Variants in KCNU1 observed in about 807,000 individuals in gnomAD.
The protein encoded by KCNU1 is potassium calcium-activated channel subfamily U member 1.
In KCNU1, 93 loss-of-function variants were observed where a neutral mutation model predicts 126.8. That is an observed-to-expected ratio of 0.73 (90% CI 0.62 to 0.87). The LOEUF is 0.87. Among genes scored for constraint, KCNU1 ranks in the 40% least tolerant of loss-of-function variants. The pLI is 0.00. For synonymous variants in KCNU1, 523 were observed against 494.2 expected (o/e 1.06, Z -0.77); for missense variants, 1,330 against 1,367.1 (o/e 0.97, Z 0.43).
At chr8:36,785,659 G>T (rs1045618589) in intron 1 of KCNU1, among the ~76,000 whole-genome samples, 3 of 152,072 alleles carry the variant, frequency 2.0e-5, no homozygotes, top group Admixed American at 6.5e-5. Flanking sequence ...AAAGAATTCT[G>T]GGATACTGAC....
rs542653829 is a variant in KCNU1 at position 36,805,157 on chromosome 8, ATGT to A, written c.378-35_378-33del. 8.4e-5 allele frequency: 125 copies of A among 1,483,124 alleles called. 1 individual carries two copies. In the African/African-American group the frequency reaches 1.5e-3, roughly 17 times the overall value. The allele number at this position is 1,483,124 out of a possible 1,614,324, so 91.9% of individuals were successfully genotyped here. Reference sequence around the variant, plus strand: ...GTCTTATATAGACACCACTTTAAAAATGTTGATCTTCACAAACTGTCCTTCTTT... The same window carrying A: ...GTCTTATATAGACACCACTTTAAAAATGATCTTCACAAACTGTCCTTCTTT... On this transcript the variant is annotated intron_variant, in intron 3 of 26. Transcript: ENST00000399881.
Position 36,905,767 on chromosome 8 carries a change from A to G in KCNU1, c.2069A>G (p.His690Arg). The G allele has an allele frequency of 4.4e-6, 7 of 1,599,196 alleles. No homozygotes were observed. The highest frequency in any genetic ancestry group is 6.0e-6 in the Non-Finnish European group (7 of 1,170,426). ...CAGCTTGATAGCAGTGGGATGTTTC[A>G]CTGGTGCAAACCAACCTCTTTGGAC... ...SDQLDSSGMF[H>R]WCKPTSLDKV... Residue 690 changes from histidine to arginine, a missense_variant, in exon 20 of 27, where the codon CAC (histidine) becomes CGC (arginine). His to Arg is a conservative substitution (Grantham distance 29). Around this residue, in one of 3 missense-constraint regions of KCNU1, gnomAD observed 1,054 missense variants for 1,053.9 expected, o/e 1.00. Coordinates refer to ENST00000399881, the MANE Select transcript of KCNU1 (RefSeq NM_001031836.3).
At chr8:36,800,088 G>A (rs1346231430) in intron 2 of KCNU1, among the ~76,000 whole-genome samples, 1 of 151,966 alleles carries the variant, frequency 6.6e-6, no homozygotes. Flanking sequence ...AACTCTAATT[G>A]TAACTTTAAA....
intron 19 of KCNU1, among the ~76,000 whole-genome samples, chr8:36,893,129 T>C (rs1463736116): frequency 2.5e-5 from 3 of 118,914 alleles, no homozygotes; most frequent in African/African-American, 9.0e-5. Flanking sequence ...GCCTAGCTAC[T>C]TTTTGTTTTT....
rs1349050530 is a variant in KCNU1, at chr8:36,935,580, T to C, written c.3110T>C (p.Ile1037Thr). Residue 1037 changes from isoleucine to threonine, a missense_variant, in exon 27 of 27, where the codon ATA becomes ACA. Around this residue, in one of 3 missense-constraint regions of KCNU1, gnomAD observed 1,054 missense variants for 1,053.9 expected, o/e 1.00. Transcript: ENST00000399881. The part of the protein sequence containing the change: ...LLPSDLVFCA[I>T]PFSTACYKRN... ...CCTTCAGATCTTGTGTTTTGTGCCA[T>C]ACCCTTCAGCACTGCTTGTTATAAA... The C allele has an allele frequency of 1.2e-6, 2 of 1,613,060 alleles. No homozygotes were observed. Among genetic ancestry groups the C allele is most frequent in the African/African-American group, 1.3e-5 (1 of 74,880 alleles).
intron 15 of KCNU1, 78 bp from the exon 16 acceptor site, chr8:36,840,854 C>A: frequency 4.0e-6 from 4 of 997,346 alleles, no homozygotes; most frequent in Non-Finnish European, 6.4e-6. Flanking sequence ...TCCTCCTAGG[C>A]ACAGAGCACA....
chr8:36,897,695 A>T (rs966877449), intron 19 of KCNU1, among the ~76,000 whole-genome samples: 3 of 152,052 alleles, frequency 2.0e-5, no homozygotes, highest in African/African-American at 7.2e-5. Flanking sequence ...CTCACCCTGC[A>T]CTTCTACGGC....
chr8:36,890,546 A>ATATG (rs1806921462), intron 19 of KCNU1, among the ~76,000 whole-genome samples: 3 of 152,030 alleles, frequency 2.0e-5, no homozygotes, highest in Admixed American at 1.3e-4. Context: ...AGATAAAATG[A>ATATG]AATCATATAA....
At chr8:36,815,488 G>A (rs1469371118) in intron 8 of KCNU1, 108 bp from the exon 9 acceptor site, 1 of 565,280 alleles carries the variant, frequency 1.8e-6, no homozygotes, top group Non-Finnish European at 3.1e-6. Flanking sequence ...TGTGCTCTTA[G>A]ATGACAGAAA....
At chr8:36,903,545 T>G (rs1161493035) in intron 19 of KCNU1, among the ~76,000 whole-genome samples, 1 of 152,068 alleles carries the variant, frequency 6.6e-6, no homozygotes, top group Non-Finnish European at 1.5e-5. Flanking sequence ...TAAGTAAGTG[T>G]GTAAGTAAAT....
At chr8:36,924,137 G>A (rs778219225) in intron 24 of KCNU1, among the ~76,000 whole-genome samples, 36 of 152,198 alleles carry the variant, frequency 2.4e-4, no homozygotes, top group Non-Finnish European at 3.8e-4. Context: ...TGAGATCAGT[G>A]TGTAGCCATT....
At chr8:36,806,570 G>A (rs1466050508) in intron 5 of KCNU1, among the ~76,000 whole-genome samples, 190 bp downstream of exon 5, 4 of 152,132 alleles carry the variant, frequency 2.6e-5, no homozygotes, top group African/African-American at 7.2e-5. Context: ...AATGCAGCAG[G>A]CACACAGTAG....
intron 19 of KCNU1, among the ~76,000 whole-genome samples, chr8:36,898,271 G>A (rs541231884): frequency 1.2e-4 from 18 of 152,052 alleles, no homozygotes; most frequent in African/African-American, 4.3e-4. Flanking sequence ...CCTCTGCAGT[G>A]TTTGATACCT....
At chr8:36,784,702 C>G in intron 1 of KCNU1, 97 bp downstream of exon 1, 1 of 991,330 alleles carries the variant, frequency 1.0e-6, no homozygotes, top group East Asian at 2.6e-5. Context: ...TTCAGTTTTT[C>G]AAGCTAACAG....
At chr8:36,867,377 G>A (rs755003418) in intron 19 of KCNU1, among the ~76,000 whole-genome samples, 7 of 152,166 alleles carry the variant, frequency 4.6e-5, no homozygotes, top group African/African-American at 1.2e-4. Context: ...CCAGCCTGAC[G>A]AGAGGAGAGA....
At chr8:36,901,196 A>C (rs7838260) in intron 19 of KCNU1, among the ~76,000 whole-genome samples, 2,570 of 152,256 alleles carry the variant, frequency 0.017, 80 homozygotes, top group African/African-American at 0.059. Context: ...GTTGGAGAAA[A>C]TAATGATGAC....
intron 1 of KCNU1, among the ~76,000 whole-genome samples, chr8:36,785,067 G>A (rs183363590): frequency 2.6e-5 from 4 of 152,328 alleles, no homozygotes; most frequent in Admixed American, 2.6e-4. Flanking sequence ...ACCATATGAA[G>A]ACAACACATT....
Position 36,935,676 on chromosome 8 carries a change from A to G in KCNU1, c.3206A>G (p.His1069Arg). ...AAAGCATCACAGACAACAGAGACAC[A>G]TTCAGACACAAATTGTCCTCCCACC... The part of the protein sequence containing the change: ...VNKASQTTET[H>R]SDTNCPPTID... Residue 1069 changes from histidine (H) to arginine (R), a missense_variant, in exon 27 of 27, where the codon CAT (histidine) becomes CGT (arginine). His to Arg is a conservative substitution (Grantham distance 29, BLOSUM62 0). This residue lies in a region of KCNU1 where 1,054 missense variants were observed against 1,053.9 expected (regional missense o/e 1.00). Transcript: ENST00000399881. The G allele has an allele frequency of 6.2e-7, 1 of 1,613,556 alleles. No individual in the cohort carries two copies. The highest frequency in any genetic ancestry group is 8.5e-7 in the Non-Finnish European group (1 of 1,179,594).
chr8:36,930,012 T>C (rs1808651841), intron 24 of KCNU1, among the ~76,000 whole-genome samples: 1 of 152,170 alleles, frequency 6.6e-6, no homozygotes, highest in African/African-American at 2.4e-5. Flanking sequence ...AAATGGCAAA[T>C]GAATAACAAT....
Sources: allele counts gnomAD v4.1 joint callset (sites outside exome capture counted in the v4.1 genomes callset), GRCh38; gene constraint gnomAD v4.1.1; regional missense constraint gnomAD v4.1.1; transcripts MANE v1.5; gene names NCBI Gene and HGNC (gene_info 2026-07-23, HGNC 2026-07-21).